The following GRIK2 variants were observed in gnomAD, a reference collection of about 807,000 sequenced individuals.
GRIK2 encodes the protein glutamate ionotropic receptor kainate type subunit 2, also known as glutamate receptor ionotropic, kainate 2.
Under a neutral mutation model 100.3 loss-of-function variants are expected in GRIK2, and 32 were observed. That is an observed-to-expected ratio of 0.32 (90% CI 0.24 to 0.43). The LOEUF is 0.43. Among genes scored for constraint, GRIK2 ranks in the 20% least tolerant of loss-of-function variants. The pLI is 1.00. For synonymous variants in GRIK2, 417 were observed against 389.4 expected (o/e 1.07, Z -0.83); for missense variants, 843 against 1,114.9 (o/e 0.76, Z 3.47).
chr6:101,431,167 G>C (rs1769364735), intron 2 of GRIK2: 1 of 230,058 alleles, frequency 4.3e-6, no homozygotes, highest in South Asian at 7.6e-5. Flanking sequence ...TGCTCCTCAG[G>C]AACCACATGC....
At chr6:101,801,518 C>T (rs1442651581) in intron 8 of GRIK2, among the ~76,000 whole-genome samples, 1 of 151,862 alleles carries the variant, frequency 6.6e-6, no homozygotes, top group East Asian at 1.9e-4. Context: ...TACCCTTAAT[C>T]TACTGATATT....
At chr6:101,415,365 CTTT>C (rs55751504) in intron 2 of GRIK2, among the ~76,000 whole-genome samples, 211 of 100,744 alleles carry the variant, frequency 2.1e-3, no homozygotes, top group African/African-American at 7.2e-3. Flanking sequence ...TTTTCCATAA[CTTT>C]TTTTTTTTTT....
At chr6:101,622,309 A>G (rs17062251) in intron 3 of GRIK2, among the ~76,000 whole-genome samples, 193 bp downstream of exon 3, 1,639 of 152,272 alleles carry the variant, frequency 0.011, 41 homozygotes, top group Middle Eastern at 0.041. Flanking sequence ...AAATCTGCTT[A>G]TAACATGAAA....
At chr6:101,972,023 T>A (rs1002014098) in intron 14 of GRIK2, among the ~76,000 whole-genome samples, 1 of 152,052 alleles carries the variant, frequency 6.6e-6, no homozygotes, top group African/African-American at 2.4e-5. Flanking sequence ...TGATTCTATG[T>A]CTTTGCTATT....
intron 14 of GRIK2, among the ~76,000 whole-genome samples, chr6:101,973,320 G>T (rs1050041600): frequency 2.6e-5 from 4 of 151,752 alleles, no homozygotes; most frequent in Non-Finnish European, 5.9e-5. Context: ...AAATTTCAAA[G>T]CAATAACTCC....
At chr6:101,957,737 T>A (rs1792027242) in intron 14 of GRIK2, among the ~76,000 whole-genome samples, 1 of 152,116 alleles carries the variant, frequency 6.6e-6, no homozygotes, top group Non-Finnish European at 1.5e-5. Flanking sequence ...GTTTCATTCC[T>A]CTATGTATGG....
chr6:101,847,544 C>T (rs937380892), intron 10 of GRIK2, among the ~76,000 whole-genome samples: 1 of 152,052 alleles, frequency 6.6e-6, no homozygotes, highest in Non-Finnish European at 1.5e-5. Flanking sequence ...ACCTTAGTAA[C>T]TTGACAGAGA....
At chr6:101,632,823 G>A (rs1780827672) in intron 4 of GRIK2, among the ~76,000 whole-genome samples, 2 of 151,958 alleles carry the variant, frequency 1.3e-5, no homozygotes, top group African/African-American at 4.8e-5. Context: ...TGCACAGAGA[G>A]GCAAGAAAAC....
intron 7 of GRIK2, among the ~76,000 whole-genome samples, chr6:101,739,794 C>T (rs1775906923): frequency 6.6e-6 from 1 of 152,138 alleles, no homozygotes; most frequent in Non-Finnish European, 1.5e-5. Context: ...TGGTAAATCT[C>T]CCTCCAGTTT....
intron 14 of GRIK2, among the ~76,000 whole-genome samples, chr6:101,990,046 T>C (rs908074005): frequency 6.6e-6 from 1 of 151,642 alleles, no homozygotes; most frequent in African/African-American, 2.4e-5. Flanking sequence ...GAAACTGTCA[T>C]TTTTTATTTC....
chr6:101,497,001 A>G (rs544545217), intron 2 of GRIK2, among the ~76,000 whole-genome samples: 2 of 152,282 alleles, frequency 1.3e-5, no homozygotes, highest in East Asian at 1.9e-4. Flanking sequence ...CAAGAGCTAA[A>G]TAGATCTAAT....
At chr6:101,669,486 C>G (rs1333832076) in intron 4 of GRIK2, among the ~76,000 whole-genome samples, 3 of 152,070 alleles carry the variant, frequency 2.0e-5, no homozygotes, top group Non-Finnish European at 4.4e-5. Flanking sequence ...AAAAACCTCT[C>G]ATTTTACCAA....
At chr6:102,007,262 T>C (rs1795291239) in intron 14 of GRIK2, among the ~76,000 whole-genome samples, 1 of 151,968 alleles carries the variant, frequency 6.6e-6, no homozygotes, top group Admixed American at 6.6e-5. Flanking sequence ...TTTGAGAAGG[T>C]AATTGAAAAG....
At chr6:101,641,336 TC>T (rs1196522330) in intron 4 of GRIK2, among the ~76,000 whole-genome samples, 1 of 152,028 alleles carries the variant, frequency 6.6e-6, no homozygotes, top group East Asian at 1.9e-4. Context: ...GAACTTTTTA[TC>T]CAATTGAAAT....
intron 14 of GRIK2, among the ~76,000 whole-genome samples, chr6:102,003,391 C>A (rs1032550679): frequency 1.3e-5 from 2 of 151,604 alleles, no homozygotes; most frequent in African/African-American, 4.8e-5. Context: ...ATCTTGGAAT[C>A]CTCTGGCTCA....
intron 2 of GRIK2, among the ~76,000 whole-genome samples, chr6:101,577,750 C>T (rs1479976571): frequency 6.6e-6 from 1 of 152,116 alleles, no homozygotes; most frequent in African/African-American, 2.4e-5. Flanking sequence ...TTACCCAGGT[C>T]TCTCCTTACA....
At chr6:101,619,118 A>T (rs932195446) in intron 2 of GRIK2, among the ~76,000 whole-genome samples, 1 of 150,870 alleles carries the variant, frequency 6.6e-6, no homozygotes, top group Non-Finnish European at 1.5e-5. Flanking sequence ...TTGTAACACC[A>T]ATCTAACTTT....
At chr6:101,548,833 A>C (rs147828474) in intron 2 of GRIK2, among the ~76,000 whole-genome samples, 2 of 152,172 alleles carry the variant, frequency 1.3e-5, no homozygotes, top group Non-Finnish European at 2.9e-5. Context: ...TAGTATTACT[A>C]TCCTCAGTTA....
intron 7 of GRIK2, among the ~76,000 whole-genome samples, chr6:101,789,504 T>C (rs1043774316): frequency 2.8e-4 from 42 of 152,208 alleles, no homozygotes; most frequent in African/African-American, 1.0e-3. Context: ...TTGTCAAAGA[T>C]CAGATAGTTG....
Sources: gnomAD v4.1 joint callset for allele counts (sites outside exome capture counted in the v4.1 genomes callset) on GRCh38, gnomAD v4.1.1 for gene constraint, MANE v1.5 for transcripts, NCBI Gene and HGNC (gene_info 2026-07-23, HGNC 2026-07-21) for gene names.